MTRR: variants seen among roughly 807,000 people sequenced by gnomAD.
MTRR encodes 5-methyltetrahydrofolate-homocysteine methyltransferase reductase.
In MTRR, 63 loss-of-function variants were observed where a neutral mutation model predicts 79.2. The ratio of observed to expected loss-of-function variants is 0.80; its 90% CI spans 0.65 to 0.98. The LOEUF (loss-of-function observed/expected upper bound fraction) is 0.98. MTRR is among the 50% of genes least tolerant of loss of function. MTRR has a pLI of 0.00. For synonymous variants in MTRR, 355 were observed against 313.3 expected, an observed-to-expected ratio of 1.13 and a Z score of -1.41; for missense variants, 895 against 839.6, an observed-to-expected ratio of 1.07 and a Z score of -0.82.
At position 7,860,270 on chromosome 5, in the gene MTRR, A is replaced by G. The variant is rs374396662; in HGVS notation, n.392-1681A>G. The stretch of plus-strand genomic sequence containing the variant: ...AACCACAGTGCTGCCTAGTACTGAC[A>G]GCTTAGAGAATTAGGGCAGCGCTCA... On this transcript the variant is annotated intron_variant and non_coding_transcript_variant, in intron 1 of 3. Transcript: ENST00000502509. 7.9e-5 allele frequency among the ~76,000 whole-genome samples: 12 copies of G among 152,362 alleles called. No individual in the cohort carries two copies. The East Asian group carries it at 1.5e-3, about 20-fold the overall frequency.
At position 7,859,212 on chromosome 5, in the gene MTRR, T is replaced by C. The variant is rs546080575; in HGVS notation, n.392-2739T>C. The C allele has an allele frequency of 1.1e-3, 336 of 314,420 alleles. 1 individual carries two copies. Among genetic ancestry groups the C allele is most frequent in the Non-Finnish European group, 1.5e-3 (264 of 174,160 alleles). The allele number at this position is 314,420 out of a possible 1,614,324, so 19.5% of individuals were successfully genotyped here. A position where few individuals can be genotyped will look rare whatever the true frequency, so the allele number is the denominator to read the frequency against. On this transcript the variant is annotated intron_variant and non_coding_transcript_variant, in intron 1 of 3. Coordinates refer to the MTRR transcript ENST00000502509. ...TTCCTTTACAGCACATGATCAATTG[T>C]TTGATGTACAAAAAGTATCTATGAC...
chr5:7,890,365 G>A, intron 9 of MTRR: 5 of 985,396 alleles, frequency 5.1e-6, no homozygotes, highest in Non-Finnish European at 6.0e-6. Context: ...ACCCTCTTCA[G>A]TGAAGTCTTC....
Position 7,892,813 on chromosome 5 carries a change from A to G in MTRR, c.1457A>G (p.Lys486Arg). 1 of 1,614,228 alleles carries G rather than the reference A, an allele frequency of 6.2e-7. No homozygotes were observed. The highest frequency in any genetic ancestry group is 1.7e-5 in the Admixed American group (1 of 60,024). Residue 486 changes from lysine to arginine, a missense_variant, in exon 11 of 15, where the codon AAG (lysine) becomes AGG (arginine). Transcript: ENST00000440940. ...ACTGCCACAACAGAGGTTCTGCGGAAGGGAGTATGTACAGGCTGGCTGGCC... is the reference window on the plus strand; with the variant it reads ...ACTGCCACAACAGAGGTTCTGCGGAGGGGAGTATGTACAGGCTGGCTGGCC... ...LSTATTEVLRKGVCTGWLALL... is the reference protein window; with the variant it reads ...LSTATTEVLRRGVCTGWLALL...
intron 1 of MTRR, among the ~76,000 whole-genome samples, chr5:7,852,053 G>C (rs1483990885): frequency 1.3e-5 from 2 of 152,184 alleles, no homozygotes; most frequent in Non-Finnish European, 2.9e-5. Flanking sequence ...CTGAGGCAGA[G>C]ACAATCTTGT....
chr5:7,868,372 A>G (rs1449488010), upstream of MTRR, among the ~76,000 whole-genome samples: 1 of 152,088 alleles, frequency 6.6e-6, no homozygotes, highest in Non-Finnish European at 1.5e-5. Context: ...TACTTTTACT[A>G]TCATTTTACA....
chr5:7,892,589 G>C (rs1047523979), intron 10 of MTRR, 138 bp from the exon 11 acceptor site: 3 of 925,218 alleles, frequency 3.2e-6, no homozygotes, highest in Non-Finnish European at 5.2e-6. Flanking sequence ...ACGTAATAAT[G>C]GCTTTCCTCT....
intron 9 of MTRR, 120 bp downstream of exon 9, chr5:7,889,395 A>G: frequency 1.0e-6 from 1 of 1,002,044 alleles, no homozygotes; most frequent in Non-Finnish European, 1.5e-6. Context: ...ATGCCTAAAG[A>G]ATATATCTAA....
intron 9 of MTRR, 108 bp from the exon 10 acceptor site, chr5:7,891,264 T>C: frequency 2.5e-6 from 1 of 401,952 alleles, no homozygotes; most frequent in Non-Finnish European, 4.5e-6. Context: ...AGAACATGAT[T>C]TGAGTATTCT....
intron 5 of MTRR, among the ~76,000 whole-genome samples, chr5:7,881,578 G>A (rs1735604732): frequency 6.6e-6 from 1 of 152,086 alleles, no homozygotes; most frequent in South Asian, 2.1e-4. Context: ...GATTTTTAAG[G>A]GAATCTGAGT....
chr5:7,900,633 G>A lies in MTRR; in HGVS notation c.*575G>A, dbSNP rs1441780494. The stretch of plus-strand genomic sequence containing the variant: ...TATTTTAGGATAATTGCCTACAGAG[G>A]GATTTATTTTTATGATGCTGGAAAT... On this transcript the variant is annotated 3_prime_UTR_variant, in exon 15 of 15. Transcript: ENST00000440940. The A allele has an allele frequency of 6.6e-6, 1 of 152,538 alleles. No homozygotes were observed. Among genetic ancestry groups the A allele is most frequent in the Non-Finnish European group, 1.5e-5 (1 of 68,162 alleles). 9.4% of individuals were successfully genotyped at this position (152,538 alleles called of 1,614,324 possible).
At chr5:7,886,893 T>C (rs1237562171) in intron 8 of MTRR, among the ~76,000 whole-genome samples, 190 bp downstream of exon 8, 1 of 152,214 alleles carries the variant, frequency 6.6e-6, no homozygotes, top group African/African-American at 2.4e-5. Context: ...TTTTATGTTG[T>C]ATTTGCATTT....
rs566130155 is a variant in MTRR at position 7,879,836 on chromosome 5, C to T, written c.780+1514C>T. Among the ~76,000 whole-genome samples, 8 of 152,264 alleles carry T rather than the reference C, an allele frequency of 5.3e-5. No individual in the cohort carries two copies. In the South Asian group the frequency reaches 8.3e-4, roughly 16 times the overall value. ...GGGTCTTCTGGGTTGTGTGGTAGAG[C>T]GGCAGGACCTGTTAACGAGCACTGT... On this transcript the variant is annotated intron_variant, in intron 5 of 14. Coordinates refer to ENST00000440940, the MANE Select transcript of MTRR (RefSeq NM_002454.3).
chr5:7,886,518 G>T (rs1736459529), intron 7 of MTRR, 97 bp from the exon 8 acceptor site: 1 of 971,506 alleles, frequency 1.0e-6, no homozygotes, highest in Non-Finnish European at 1.7e-6. Flanking sequence ...TTGATGCGCT[G>T]TAAAGTACTA....
intron 14 of MTRR, among the ~76,000 whole-genome samples, chr5:7,899,012 AG>A (rs1739012878): frequency 6.6e-6 from 1 of 152,128 alleles, no homozygotes; most frequent in South Asian, 2.1e-4. Context: ...CTCTGACAGA[AG>A]GCAAAGGGGG....
At chr5:7,885,615 T>C in intron 6 of MTRR, 86 bp from the exon 7 acceptor site, 1 of 1,283,448 alleles carries the variant, frequency 7.8e-7, no homozygotes, top group Non-Finnish European at 1.1e-6. Flanking sequence ...ATCATAATAT[T>C]GAAAACTATA....
Position 7,885,682 on chromosome 5 carries a change from C to CT in MTRR, c.904-19_904-18insT. 1.5e-6 allele frequency: 2 copies of CT among 1,363,620 alleles called. No individual in the cohort carries two copies. The highest frequency in any genetic ancestry group is 2.4e-5 in the Admixed American group (1 of 42,306). 84.5% of individuals were successfully genotyped at this position (1,363,620 alleles called of 1,614,324 possible). A position where few individuals can be genotyped will look rare whatever the true frequency, so the allele number is the denominator to read the frequency against. ...CACGTATAATGTATTTTTTTTTTTT[C>CT]ATTTTGGCTCTTCTCTAGAATACAG... is the stretch of plus-strand genomic sequence containing the variant. On this transcript the variant is annotated intron_variant, in intron 6 of 14. Coordinates refer to ENST00000440940, the MANE Select transcript of MTRR (RefSeq NM_002454.3).
intron 1 of MTRR, among the ~76,000 whole-genome samples, chr5:7,853,336 T>C (rs1285462271): frequency 6.6e-6 from 1 of 152,200 alleles, no homozygotes; most frequent in Non-Finnish European, 1.5e-5. Flanking sequence ...TCTGCCGTGA[T>C]TGTAAGTTTC....
intron 9 of MTRR, chr5:7,890,244 C>A: frequency 3.0e-6 from 3 of 985,120 alleles, no homozygotes; most frequent in Non-Finnish European, 2.4e-6. Flanking sequence ...GGCCTGATTT[C>A]TCCTCCTTTT....
rs554726417 is a variant in MTRR, at chr5:7,901,108, A to G, written c.*1050A>G. The G allele has an allele frequency of 6.6e-6, 1 of 152,312 alleles. No individual in the cohort carries two copies. The highest frequency in any genetic ancestry group is 2.4e-5 in the African/African-American group (1 of 41,582). The allele number at this position is 152,312 out of a possible 1,614,324, so 9.4% of individuals were successfully genotyped here. ...TTTGAGAAATAAAGATCTGAAAGAA[A>G]TGGCATAATCTTAAAACTTGGTAAG... is the stretch of plus-strand genomic sequence containing the variant. On this transcript the variant is annotated 3_prime_UTR_variant, in exon 15 of 15. Transcript: ENST00000440940.
Sources: allele counts gnomAD v4.1 joint callset (sites outside exome capture counted in the v4.1 genomes callset), GRCh38; gene constraint gnomAD v4.1.1; transcripts MANE v1.5; gene names NCBI Gene and HGNC (gene_info 2026-07-23, HGNC 2026-07-21).